The following INTU variants were observed in gnomAD, a reference collection of about 807,000 sequenced individuals.
The protein encoded by INTU is inturned planar cell polarity protein, also known as protein inturned.
A neutral mutation model predicts 100.5 loss-of-function variants in INTU; 68 were observed. That is an observed-to-expected ratio of 0.68 (90% CI 0.56 to 0.83). INTU has a LOEUF of 0.83. Ranked by LOEUF, INTU falls within the 40% of genes least tolerant of loss-of-function variation. The probability of loss-of-function intolerance (pLI) is 0.00; values close to 1 mark genes in which losing one functional copy is unlikely to be tolerated. For missense variants in INTU, 1,071 were observed against 1,114.7 expected (o/e 0.96, Z 0.56); for synonymous variants, 357 against 395.7 (o/e 0.90, Z 1.16).
In INTU at chr4:127,719,798, G is replaced by A. The variant is rs2148743840; in HGVS notation, c.*3362G>A. On this transcript the variant is annotated 3_prime_UTR_variant, in exon 16 of 16. Coordinates refer to ENST00000335251, the MANE Select transcript of INTU (RefSeq NM_015693.4). ...GCTGTTATAGTATTGTCTGATGGTTGTTTATATTTCCATGGGATCAGTGGT... is the reference window on the plus strand; with the variant it reads ...GCTGTTATAGTATTGTCTGATGGTTATTTATATTTCCATGGGATCAGTGGT... 6.6e-6 allele frequency: 1 copy of A among 152,190 alleles called. No homozygotes were observed. The highest frequency in any genetic ancestry group is 1.5e-5 in the Non-Finnish European group (1 of 68,006). The allele number at this position is 152,190 out of a possible 1,614,324, so 9.4% of individuals were successfully genotyped here. A position where few individuals can be genotyped will look rare whatever the true frequency, so the allele number is the denominator to read the frequency against.
intron 11 of INTU, 23 bp downstream of exon 11, chr4:127,705,835 C>G: frequency 1.3e-6 from 2 of 1,577,556 alleles, no homozygotes; most frequent in Non-Finnish European, 1.7e-6. Flanking sequence ...CAGCTTCTTT[C>G]TTAGGATTTT....
chr4:127,655,830 C>G (rs1247111216), intron 2 of INTU, among the ~76,000 whole-genome samples: 3 of 152,108 alleles, frequency 2.0e-5, no homozygotes, highest in African/African-American at 2.4e-5. Context: ...GCCTCGCTGC[C>G]GCCTTGCAGT....
intron 14 of INTU, 44 bp from the exon 15 acceptor site, chr4:127,713,892 A>C: frequency 7.4e-7 from 1 of 1,358,134 alleles, no homozygotes; most frequent in East Asian, 2.3e-5. Context: ...TTAAAGTAAC[A>C]CTGGTAATAC....
intron 13 of INTU, among the ~76,000 whole-genome samples, chr4:127,709,014 C>T (rs575967064): frequency 2.9e-4 from 44 of 152,236 alleles, no homozygotes; most frequent in South Asian, 1.0e-3. Context: ...TCCAGTTACA[C>T]CTTAGCTCAG....
At chr4:127,656,520 C>G in intron 2 of INTU, 116 bp from the exon 3 acceptor site, 1 of 680,874 alleles carries the variant, frequency 1.5e-6, no homozygotes, top group South Asian at 2.0e-5. Flanking sequence ...CTTGTCTGCA[C>G]CAGATTTCTC....
rs1188423051 is a variant in INTU, at chr4:127,726,720, T to C, written c.*10284T>C. Reference sequence around the variant, plus strand: ...TATTGATAGTTTTAAATAAAACTGGTTTGGAGGTTTGTTTGCAGTTGTATT... The same window carrying C: ...TATTGATAGTTTTAAATAAAACTGGCTTGGAGGTTTGTTTGCAGTTGTATT... On this transcript the variant is annotated 3_prime_UTR_variant, in exon 16 of 16. Coordinates refer to ENST00000335251, the MANE Select transcript of INTU (RefSeq NM_015693.4). 6.6e-6 allele frequency: 1 copy of C among 152,168 alleles called. No homozygotes were observed. Among genetic ancestry groups the C allele is most frequent in the Non-Finnish European group, 1.5e-5 (1 of 68,036 alleles). 9.4% of individuals were successfully genotyped at this position (152,168 alleles called of 1,614,324 possible).
At chr4:127,669,939 A>C (rs531493856) in intron 5 of INTU, among the ~76,000 whole-genome samples, 1 of 152,024 alleles carries the variant, frequency 6.6e-6, no homozygotes, top group South Asian at 2.1e-4. Context: ...ATGCAGCAAA[A>C]CCAAAAATAG....
Position 127,714,036 on chromosome 4 carries a change from C to T in INTU, c.2660C>T (p.Pro887Leu). 2 of 1,613,552 alleles carry T rather than the reference C, an allele frequency of 1.2e-6. No individual in the cohort carries two copies. Among genetic ancestry groups the T allele is most frequent in the Non-Finnish European group, 1.7e-6 (2 of 1,179,798 alleles). ...CATGGTGTGTTGTTTGAATGTTCAC[C>T]TGGAAACTGGACTGATCAGAAAAAA... ...KEHGVLFECS[P>L]GNWTDQKKAP... The change falls in exon 15 of 16, where the codon CCT (proline) becomes CTT (leucine). Residue 887 changes from proline (P) to leucine (L), a missense_variant. Transcript: ENST00000335251.
At chr4:127,656,798 T>C (rs1728250516) in intron 3 of INTU, 77 bp downstream of exon 3, 3 of 883,958 alleles carry the variant, frequency 3.4e-6, no homozygotes, top group Non-Finnish European at 5.2e-6. Context: ...TATTTTCCTT[T>C]TTAAGCGTCT....
intron 2 of INTU, 42 bp downstream of exon 2, chr4:127,644,098 C>G (rs780127253): frequency 2.6e-6 from 4 of 1,556,298 alleles, no homozygotes; most frequent in Non-Finnish European, 3.5e-6. Flanking sequence ...TTACAGAGAT[C>G]TTGATTAATG....
At chr4:127,683,023 C>T (rs965317600) in intron 6 of INTU, among the ~76,000 whole-genome samples, 6 of 152,140 alleles carry the variant, frequency 3.9e-5, no homozygotes, top group Admixed American at 2.6e-4. Flanking sequence ...CCAGCCGAAT[C>T]AGCTAGGCAG....
At chr4:127,665,290 TA>T (rs1023905987) in intron 4 of INTU, among the ~76,000 whole-genome samples, 2 of 150,476 alleles carry the variant, frequency 1.3e-5, no homozygotes, top group African/African-American at 4.9e-5. Flanking sequence ...TGTTTGTTTT[TA>T]ATATAAATAT....
chr4:127,687,931 C>T, intron 8 of INTU, 64 bp downstream of exon 8: 5 of 1,103,818 alleles, frequency 4.5e-6, no homozygotes, highest in Non-Finnish European at 6.1e-6. Context: ...TGTATCTTCT[C>T]TTTTTTTCGT....
At chr4:127,649,185 G>A (rs1460691233) in intron 2 of INTU, among the ~76,000 whole-genome samples, 2 of 152,120 alleles carry the variant, frequency 1.3e-5, no homozygotes, top group African/African-American at 2.4e-5. Flanking sequence ...TGCCTTAAAG[G>A]AAAGGAACTC....
At chr4:127,681,670 T>C (rs532678231) in intron 6 of INTU, among the ~76,000 whole-genome samples, 1 of 152,292 alleles carries the variant, frequency 6.6e-6, no homozygotes, top group East Asian at 1.9e-4. Context: ...ACCTAGGCAT[T>C]ACCATTCAGG....
At chr4:127,715,708 A>G (rs1324908038) in intron 15 of INTU, among the ~76,000 whole-genome samples, 1 of 152,230 alleles carries the variant, frequency 6.6e-6, no homozygotes, top group Non-Finnish European at 1.5e-5. Flanking sequence ...GTCGAGTGTT[A>G]ACTACGTTCA....
chr4:127,682,989 C>T (rs1729652292), intron 6 of INTU, among the ~76,000 whole-genome samples: 1 of 152,098 alleles, frequency 6.6e-6, no homozygotes, highest in African/African-American at 2.4e-5. Context: ...TGAGCAAAGG[C>T]TGTTCAACCA....
At chr4:127,697,847 A>G (rs77282950) in intron 8 of INTU, among the ~76,000 whole-genome samples, 1,613 of 152,288 alleles carry the variant, frequency 0.011, 29 homozygotes, top group African/African-American at 0.036. Context: ...AAGGCCAGGC[A>G]TGGTGGCTTA....
At chr4:127,700,087 A>G in intron 9 of INTU, 24 bp downstream of exon 9, 1 of 1,561,550 alleles carries the variant, frequency 6.4e-7, no homozygotes, top group Non-Finnish European at 8.8e-7. Context: ...TGGATTTTAT[A>G]AAAGGCTCAA....
Sources: gnomAD v4.1 joint callset for allele counts (sites outside exome capture counted in the v4.1 genomes callset) on GRCh38, gnomAD v4.1.1 for gene constraint, MANE v1.5 for transcripts, NCBI Gene and HGNC (gene_info 2026-07-23, HGNC 2026-07-21) for gene names.